Variants in PLB1 observed in about 807,000 individuals in gnomAD.
The protein encoded by PLB1 is phospholipase B1, also known as phospholipase B1, membrane-associated.
Under a neutral mutation model 227.4 loss-of-function variants are expected in PLB1, and 242 were observed. That is an observed-to-expected ratio of 1.06 (90% CI 0.96 to 1.18). The LOEUF is 1.18. PLB1 is among the 50% of genes most tolerant of loss of function. The probability of loss-of-function intolerance (pLI) is 0.00; values close to 1 mark genes in which losing one functional copy is unlikely to be tolerated. For missense variants in PLB1, 1,858 were observed against 1,816.3 expected (o/e 1.02, Z -0.42); for synonymous variants, 757 against 682.2 (o/e 1.11, Z -1.71).
In PLB1 at chr2:28,604,005, C is replaced by G. The variant is rs754514267; in HGVS notation, c.2814C>G (p.Ser938=). ...GCGTTCTGACCCTGCGGGAGAACTC[C>G]CAAGAGCTAGCCAGGCTGGAGGCCT... The part of the protein sequence containing the change: ...CNCVLTLREN[S]QELARLEAFS... The change falls in exon 40 of 58, where the codon TCC becomes TCG. Residue 938 remains serine (S), a synonymous_variant. Transcript: ENST00000327757. The G allele has an allele frequency of 1.9e-6, 3 of 1,614,222 alleles. No homozygotes were observed. Among genetic ancestry groups the G allele is most frequent in the Non-Finnish European group, 1.7e-6 (2 of 1,180,028 alleles).
At chr2:28,606,081 G>A (rs1684637444) in intron 42 of PLB1, 133 bp downstream of exon 42, 4 of 717,064 alleles carry the variant, frequency 5.6e-6, no homozygotes, top group Non-Finnish European at 9.5e-6. Flanking sequence ...CTATGCAGTT[G>A]GAAATGCGGA....
At chr2:28,617,540 C>T (rs1276139912) in intron 44 of PLB1, among the ~76,000 whole-genome samples, 187 bp from the exon 45 acceptor site, 1 of 152,114 alleles carries the variant, frequency 6.6e-6, no homozygotes, top group African/African-American at 2.4e-5. Flanking sequence ...CTAGACACAC[C>T]CATTTCTCCC....
chr2:28,497,197 A>T (rs1666557939), intron 1 of PLB1, among the ~76,000 whole-genome samples: 1 of 152,232 alleles, frequency 6.6e-6, no homozygotes. Context: ...GCTGTGTACT[A>T]GCTCTTTGGA....
At chr2:28,543,101 G>A in intron 13 of PLB1, 111 bp from the exon 14 acceptor site, 1 of 1,178,554 alleles carries the variant, frequency 8.5e-7, no homozygotes, top group Non-Finnish European at 1.2e-6. Context: ...AAAAGGCCTG[G>A]ACAGATCAGG....
Position 28,600,822 on chromosome 2 carries a change from C to T in PLB1, c.2488C>T (p.Gln830Ter), listed in dbSNP as rs1558883291. 6.2e-7 allele frequency: 1 copy of T among 1,613,290 alleles called. No individual in the cohort carries two copies. Among genetic ancestry groups the T allele is most frequent in the South Asian group, 1.1e-5 (1 of 91,056 alleles). Residue 830 changes from glutamine to a stop codon, truncating the protein, a stop_gained, in exon 36 of 58, where the codon CAA becomes TAA. Transcript: ENST00000327757. LOFTEE classifies it high-confidence loss of function. ...PGAKAEDLMS[Q>*]VQTLMQKMKD... ...TCTCTTTCTCAGGGATCTTATGAGC[C>T]AAGTCCAAACTCTGATGCAGAAGAT...
intron 6 of PLB1, 95 bp downstream of exon 6, chr2:28,526,040 C>A (rs1670216533): frequency 2.2e-6 from 3 of 1,369,550 alleles, no homozygotes; most frequent in Middle Eastern, 1.8e-4. Context: ...CACCACCAGC[C>A]ACTTTATCAC....
At chr2:28,582,038 G>A (rs765841173) in intron 23 of PLB1, 30 bp from the exon 24 acceptor site, 5 of 1,589,350 alleles carry the variant, frequency 3.1e-6, no homozygotes, top group South Asian at 1.1e-5. Flanking sequence ...GTGACAAATG[G>A]TGTTCAAGGG....
rs890591047 is a variant in PLB1, at chr2:28,635,174, G to T, written c.4098+2135G>T. On this transcript the variant is annotated intron_variant, in intron 56 of 57. Transcript: ENST00000327757. ...AAAACAAAACTAAAGCCATCCAGGGGTTTCTTATCCTAGGCTCTATAATTT... is the reference window on the plus strand; with the variant it reads ...AAAACAAAACTAAAGCCATCCAGGGTTTTCTTATCCTAGGCTCTATAATTT... Among the ~76,000 whole-genome samples, 7 of 152,120 alleles carry T rather than the reference G, an allele frequency of 4.6e-5. No individual in the cohort carries two copies. In the South Asian group the frequency reaches 1.2e-3, roughly 27 times the overall value.
At chr2:28,511,962 T>TTC (rs1553398624) in intron 1 of PLB1, among the ~76,000 whole-genome samples, 1 of 150,668 alleles carries the variant, frequency 6.6e-6, no homozygotes, top group Non-Finnish European at 1.5e-5. Flanking sequence ...CTTTTTTTTT[T>TTC]TTTTTTTTAG....
chr2:28,642,195 C>T (rs1267195004), intron 57 of PLB1, among the ~76,000 whole-genome samples: 1 of 152,198 alleles, frequency 6.6e-6, no homozygotes, highest in Non-Finnish European at 1.5e-5. Context: ...GAGACACCGA[C>T]CCAGTCTCCT....
chr2:28,614,827 C>G (rs946485592), intron 44 of PLB1, among the ~76,000 whole-genome samples: 7 of 152,100 alleles, frequency 4.6e-5, no homozygotes, highest in Non-Finnish European at 5.9e-5. Flanking sequence ...AAGTGAGAGC[C>G]CAGTAGAATT....
chr2:28,538,076 T>A (rs1295485910), intron 9 of PLB1, among the ~76,000 whole-genome samples: 1 of 152,208 alleles, frequency 6.6e-6, no homozygotes, highest in Non-Finnish European at 1.5e-5. Context: ...GATGGAACTT[T>A]TCACCTGTGG....
intron 20 of PLB1, among the ~76,000 whole-genome samples, chr2:28,572,971 C>T (rs1045917673): frequency 6.6e-6 from 1 of 152,084 alleles, no homozygotes; most frequent in Non-Finnish European, 1.5e-5. Context: ...AGCCTGTAAC[C>T]CAGACTCACA....
Position 28,642,890 on chromosome 2 carries a change from C to A in PLB1, c.4206C>A (p.Ser1402Arg). Residue 1402 changes from serine (S) to arginine (R), a missense_variant, in exon 58 of 58, where the codon AGC becomes AGA. Ser to Arg is a moderately radical substitution (Grantham distance 110). Transcript: ENST00000327757. The part of the protein sequence containing the change: ...ESPYLYTLRN[S>R]RLLPDQAEEA... Reference sequence around the variant, plus strand: ...CTTACCTCTACACCCTGCGGAACAGCCGATTGCTCCCAGACCAGGCTGAAG... The same window carrying A: ...CTTACCTCTACACCCTGCGGAACAGACGATTGCTCCCAGACCAGGCTGAAG... The A allele has an allele frequency of 6.2e-7, 1 of 1,606,982 alleles. No individual in the cohort carries two copies. The highest frequency in any genetic ancestry group is 8.5e-7 in the Non-Finnish European group (1 of 1,176,616).
intron 1 of PLB1, among the ~76,000 whole-genome samples, chr2:28,511,788 C>CTTTTTTTTTTTTTTTTTTTTT (rs59137589): frequency 7.5e-6 from 1 of 132,648 alleles, no homozygotes; most frequent in African/African-American, 2.8e-5. Flanking sequence ...GCCATTTTAT[C>CTTTTTTTTTTTTTTTTTTTTT]TTTTTTTTTT....
At position 28,582,405 on chromosome 2, in the gene PLB1, G is replaced by A; in HGVS notation, c.1633G>A (p.Val545Ile). 6.2e-7 allele frequency: 1 copy of A among 1,612,456 alleles called. No individual in the cohort carries two copies. The highest frequency in any genetic ancestry group is 8.5e-7 in the Non-Finnish European group (1 of 1,179,218). Reference sequence around the variant, plus strand: ...GGTGACTGAGTTTGCCTTTTCTCAGGTTCCTCGGGCATTTGTGAACCTGGT... The same window carrying A: ...GGTGACTGAGTTTGCCTTTTCTCAGATTCCTCGGGCATTTGTGAACCTGGT... The part of the protein sequence containing the change: ...GKALDILHAE[V>I]PRAFVNLVTV... The change falls in exon 25 of 58, where the codon GTT becomes ATT. Residue 545 changes from valine to isoleucine, a missense_variant and splice_region_variant. Coordinates refer to ENST00000327757, the MANE Select transcript of PLB1 (RefSeq NM_153021.5).
At chr2:28,549,426 T>TTTA (rs1209784005) in intron 15 of PLB1, among the ~76,000 whole-genome samples, 6 of 129,900 alleles carry the variant, frequency 4.6e-5, no homozygotes, top group African/African-American at 1.7e-4. Context: ...TTTTTTTTTT[T>TTTA]TTTTTTTTGA....
At chr2:28,571,914 CAAAAG>C (rs1053023168) in intron 20 of PLB1, among the ~76,000 whole-genome samples, 3 of 150,042 alleles carry the variant, frequency 2.0e-5, no homozygotes, top group Non-Finnish European at 4.4e-5. Flanking sequence ...AGACAAGTGA[CAAAAG>C]AAAAAAAAAT....
chr2:28,585,567 G>A (rs895805950), intron 25 of PLB1, 194 bp from the exon 26 acceptor site: 7 of 542,754 alleles, frequency 1.3e-5, no homozygotes, highest in African/African-American at 1.2e-4. Context: ...GTGAGCCACC[G>A]CGCCTGGCCT....
Sources: gnomAD v4.1 joint callset for allele counts (sites outside exome capture counted in the v4.1 genomes callset) on GRCh38, gnomAD v4.1.1 for gene constraint, MANE v1.5 for transcripts, NCBI Gene and HGNC (gene_info 2026-07-23, HGNC 2026-07-21) for gene names.